STK32C: variants seen among roughly 807,000 people sequenced by gnomAD.
STK32C encodes the protein serine/threonine kinase 32C.
Under a neutral mutation model 56.5 loss-of-function variants are expected in STK32C, and 31 were observed. That is an observed-to-expected ratio of 0.55 (90% CI 0.41 to 0.74). STK32C has a LOEUF of 0.74. STK32C is among the 30% of genes least tolerant of loss of function. STK32C has a pLI of 0.00. For missense variants in STK32C, 544 were observed against 676.9 expected (o/e 0.80, Z 2.18); for synonymous variants, 309 against 289.4 (o/e 1.07, Z -0.69).
chr10:132,229,470 T>C (rs1260532935), intron 2 of STK32C, among the ~76,000 whole-genome samples: 3 of 152,240 alleles, frequency 2.0e-5, no homozygotes, highest in Non-Finnish European at 4.4e-5. Flanking sequence ...GAACTCAGCC[T>C]GGGTGACAGG....
Position 132,233,786 on chromosome 10 carries a change from C to T in STK32C, c.319-5658G>A, listed in dbSNP as rs967547814. Reference sequence around the variant, plus strand: ...GACGGAGCTACCTCCCAGGCCCACACGCGCTCCCGCCTAAAGCCCTTGTTT... The same window carrying T: ...GACGGAGCTACCTCCCAGGCCCACATGCGCTCCCGCCTAAAGCCCTTGTTT... On this transcript the variant is annotated intron_variant, in intron 2 of 11. Transcript: ENST00000298630. Among the ~76,000 whole-genome samples the T allele has an allele frequency of 3.8e-4, 58 of 152,256 alleles. 1 individual carries two copies. Among genetic ancestry groups the T allele is most frequent in the Non-Finnish European group, 7.3e-5 (5 of 68,044 alleles).
chr10:132,242,307 G>A (rs2063531396), intron 2 of STK32C, among the ~76,000 whole-genome samples: 1 of 152,124 alleles, frequency 6.6e-6, no homozygotes, highest in South Asian at 2.1e-4. Context: ...CACGGGACGA[G>A]TGGGGGGAGT....
chr10:132,213,857 C>T (rs181899764), intron 10 of STK32C, among the ~76,000 whole-genome samples: 1 of 152,170 alleles, frequency 6.6e-6, no homozygotes, highest in East Asian at 1.9e-4. Flanking sequence ...AAGTAGAAAA[C>T]ACTGTAACAG....
intron 1 of STK32C, among the ~76,000 whole-genome samples, chr10:132,265,751 ATG>A (rs1467056123): frequency 0.016 from 2,411 of 152,312 alleles, 72 homozygotes; most frequent in African/African-American, 0.053. Flanking sequence ...CCGAAGGCCA[ATG>A]AGCACAGGAG....
At chr10:132,278,176 A>C (rs2065044253) in intron 1 of STK32C, among the ~76,000 whole-genome samples, 1 of 152,160 alleles carries the variant, frequency 6.6e-6, no homozygotes, top group Non-Finnish European at 1.5e-5. Flanking sequence ...CTGTGGGGTC[A>C]GGAAAGAGAC....
chr10:132,293,806 G>A (rs1235907280), intron 1 of STK32C, among the ~76,000 whole-genome samples: 1 of 152,230 alleles, frequency 6.6e-6, no homozygotes, highest in Non-Finnish European at 1.5e-5. Flanking sequence ...GGGGAATGGG[G>A]GTGGGGACAG....
At chr10:132,298,025 T>C (rs2065806754) in intron 1 of STK32C, among the ~76,000 whole-genome samples, 1 of 152,238 alleles carries the variant, frequency 6.6e-6, no homozygotes, top group Non-Finnish European at 1.5e-5. Context: ...TTGGCTAAAC[T>C]GGGGTTAGAG....
At chr10:132,233,263 C>T (rs891766913) in intron 2 of STK32C, among the ~76,000 whole-genome samples, 1 of 152,068 alleles carries the variant, frequency 6.6e-6, no homozygotes, top group African/African-American at 2.4e-5. Context: ...GCAGAGGGGT[C>T]CCCCAGGCAG....
At chr10:132,210,684 G>A (rs892428683) in intron 10 of STK32C, among the ~76,000 whole-genome samples, 12 of 152,240 alleles carry the variant, frequency 7.9e-5, no homozygotes, top group South Asian at 2.1e-4. Flanking sequence ...CGTCACACTC[G>A]GACGTGCCCG....
intron 1 of STK32C, among the ~76,000 whole-genome samples, chr10:132,280,415 C>CTGATCACACCACTGCACTCCG (rs1427893418): frequency 8.0e-6 from 1 of 125,326 alleles, no homozygotes; most frequent in Non-Finnish European, 1.7e-5. Flanking sequence ...CCTCCACCCC[C>CTGATCACACCACTGCACTCCG]TGATCACACC....
chr10:132,299,966 G>A (rs928218398), intron 1 of STK32C, among the ~76,000 whole-genome samples: 2 of 152,186 alleles, frequency 1.3e-5, no homozygotes, highest in Admixed American at 6.5e-5. Context: ...TGGAGTAGGC[G>A]GCACCAAAAC....
rs1386013794 is a variant in STK32C, at chr10:132,222,690, C to T, written c.1202G>A (p.Arg401His). 8 of 1,612,922 alleles carry T rather than the reference C, an allele frequency of 5.0e-6. No homozygotes were observed. Among genetic ancestry groups the T allele is most frequent in the African/African-American group, 1.3e-5 (1 of 74,904 alleles). The change falls in exon 10 of 12, where the codon CGT becomes CAT. Residue 401 changes from arginine (R) to histidine (H), a missense_variant. Coordinates refer to ENST00000298630, the MANE Select transcript of STK32C (RefSeq NM_173575.4). ...GTCCCGGGACTTGTTCTTGGCCAGACGCTTCTTCTTCTTGTGCAGGGGCCT... is the reference window on the plus strand; with the variant it reads ...GTCCCGGGACTTGTTCTTGGCCAGATGCTTCTTCTTCTTGTGCAGGGGCCT... ...ESRPLHKKKK[R>H]LAKNKSRDNS... is the part of the protein sequence containing the mutation.
At chr10:132,214,046 A>G (rs1414310245) in intron 10 of STK32C, among the ~76,000 whole-genome samples, 1 of 152,314 alleles carries the variant, frequency 6.6e-6, no homozygotes, top group African/African-American at 2.4e-5. Flanking sequence ...GGCACCACAC[A>G]CGCATAATTG....
intron 1 of STK32C, among the ~76,000 whole-genome samples, chr10:132,275,885 T>C (rs2064980741): frequency 6.6e-6 from 1 of 152,144 alleles, no homozygotes; most frequent in Non-Finnish European, 1.5e-5. Context: ...CACCCAGGCC[T>C]GTGTCGGGCA....
Position 132,230,151 on chromosome 10 carries a change from G to A in STK32C, c.319-2023C>T, listed in dbSNP as rs368436784. Among the ~76,000 whole-genome samples, 111 of 152,166 alleles carry A rather than the reference G, an allele frequency of 7.3e-4. 3 individuals carry two copies. In the South Asian group the frequency reaches 0.022, roughly 30 times the overall value. ...TTGAACGAGGCCGCCTTGGGAGGGCGGGGCGGGGCGGGATTTCTCCTGAAC... is the reference window on the plus strand; with the variant it reads ...TTGAACGAGGCCGCCTTGGGAGGGCAGGGCGGGGCGGGATTTCTCCTGAAC... On this transcript the variant is annotated intron_variant, in intron 2 of 11. Transcript: ENST00000298630.
intron 1 of STK32C, among the ~76,000 whole-genome samples, chr10:132,298,980 C>A (rs777316459): frequency 1.3e-5 from 2 of 152,224 alleles, no homozygotes; most frequent in Non-Finnish European, 2.9e-5. Flanking sequence ...TGAGGAAATT[C>A]ATTAAGCAGC....
chr10:132,300,805 C>T (rs2065890867), intron 1 of STK32C, among the ~76,000 whole-genome samples: 1 of 152,200 alleles, frequency 6.6e-6, no homozygotes, highest in South Asian at 2.1e-4. Context: ...AAGGCGGCAT[C>T]CCACTCAGGA....
intron 2 of STK32C, among the ~76,000 whole-genome samples, chr10:132,238,491 G>A (rs1261342209): frequency 6.6e-6 from 1 of 152,194 alleles, no homozygotes. Context: ...AGGGAAAGGC[G>A]GGGAAAGCCA....
rs932877197 is a variant in STK32C at position 132,230,687 on chromosome 10, G to T, written c.319-2559C>A. On this transcript the variant is annotated intron_variant, in intron 2 of 11. Transcript: ENST00000298630. ...GCTGGGGGGGAAGCTGGCGGGGGGG[G>T]GGGGGCTGCAGAGCCCACCTCTGCC... 1.2e-4 allele frequency among the ~76,000 whole-genome samples: 17 copies of T among 143,332 alleles called. 1 individual carries two copies. The South Asian group carries it at 2.0e-3, about 17-fold the overall frequency. 94.0% of individuals were successfully genotyped at this position (143,332 alleles called of 152,430 possible). A position where few individuals can be genotyped will look rare whatever the true frequency, so the allele number is the denominator to read the frequency against.
Sources: allele counts gnomAD v4.1 joint callset (sites outside exome capture counted in the v4.1 genomes callset), GRCh38; gene constraint gnomAD v4.1.1; transcripts MANE v1.5; gene names NCBI Gene and HGNC (gene_info 2026-07-23, HGNC 2026-07-21).